Variants in DNAH11 observed in about 807,000 individuals in gnomAD.
The protein encoded by DNAH11 is axonemal beta dynein heavy chain 11.
Under a neutral mutation model 526.0 loss-of-function variants are expected in DNAH11, and 442 were observed. The ratio of observed to expected loss-of-function variants is 0.84; its 90% confidence interval spans 0.78 to 0.91. The LOEUF (loss-of-function observed/expected upper bound fraction) is 0.91, where lower values mean the gene tolerates loss of function less well. Among genes scored for constraint, DNAH11 ranks in the 40% least tolerant of loss-of-function variants. The pLI is 0.00. For synonymous variants in DNAH11, 2,461 were observed against 1,935.9 expected (o/e 1.27, Z -7.12); for missense variants, 6,989 against 5,448.7 (o/e 1.28, Z -8.90).
At chr7:21,875,594 G>A (rs771684193) in intron 74 of DNAH11, among the ~76,000 whole-genome samples, 3 of 152,124 alleles carry the variant, frequency 2.0e-5, no homozygotes, top group Non-Finnish European at 4.4e-5. Flanking sequence ...CCAGGAGTTC[G>A]AGGCTGCAGT....
intron 2 of DNAH11, among the ~76,000 whole-genome samples, chr7:21,555,311 C>T (rs1018103522): frequency 3.3e-5 from 5 of 152,166 alleles, no homozygotes; most frequent in African/African-American, 1.2e-4. Flanking sequence ...GTCCCTGATT[C>T]AAGGGTTGTC....
At chr7:21,651,157 G>T (rs571887764) in intron 28 of DNAH11, among the ~76,000 whole-genome samples, 44 of 152,098 alleles carry the variant, frequency 2.9e-4, no homozygotes, top group African/African-American at 1.1e-3. Flanking sequence ...ATTAGTTAAT[G>T]AAAACATATG....
At chr7:21,585,040 T>C (rs1703219143) in intron 9 of DNAH11, among the ~76,000 whole-genome samples, 1 of 152,108 alleles carries the variant, frequency 6.6e-6, no homozygotes, top group African/African-American at 2.4e-5. Context: ...ATGAATTCTG[T>C]TATAGTACCT....
chr7:21,591,973 A>G (rs1169954237), intron 14 of DNAH11, among the ~76,000 whole-genome samples: 2 of 152,200 alleles, frequency 1.3e-5, no homozygotes, highest in Non-Finnish European at 2.9e-5. Flanking sequence ...GGGTGGCAAC[A>G]ATAATTACTC....
chr7:21,769,097 C>G (rs1340997697), intron 55 of DNAH11, among the ~76,000 whole-genome samples: 1 of 152,186 alleles, frequency 6.6e-6, no homozygotes, highest in Non-Finnish European at 1.5e-5. Context: ...AAATAATCCT[C>G]TTTCTAAGGA....
chr7:21,831,004 A>G (rs1408183626), intron 65 of DNAH11, among the ~76,000 whole-genome samples: 2 of 152,208 alleles, frequency 1.3e-5, no homozygotes, highest in Non-Finnish European at 2.9e-5. Context: ...TAAAAATCCT[A>G]TGGGAGCAGC....
intron 57 of DNAH11, among the ~76,000 whole-genome samples, chr7:21,780,318 G>A (rs948636533): frequency 6.6e-6 from 1 of 152,152 alleles, no homozygotes; most frequent in Admixed American, 6.5e-5. Flanking sequence ...GCAGAGGCAG[G>A]AGGATAGCTT....
chr7:21,875,060 G>A (rs1783653148), intron 74 of DNAH11, among the ~76,000 whole-genome samples: 1 of 152,166 alleles, frequency 6.6e-6, no homozygotes, highest in Admixed American at 6.5e-5. Flanking sequence ...ATACAGTGTT[G>A]AAGAATGCAG....
At chr7:21,877,733 G>A (rs977329005) in intron 74 of DNAH11, among the ~76,000 whole-genome samples, 3 of 152,046 alleles carry the variant, frequency 2.0e-5, no homozygotes, top group Non-Finnish European at 4.4e-5. Flanking sequence ...AAATTAGCCA[G>A]GCGTGGTGGT....
At chr7:21,650,971 A>G (rs928582189) in intron 28 of DNAH11, among the ~76,000 whole-genome samples, 3 of 150,784 alleles carry the variant, frequency 2.0e-5, no homozygotes, top group Non-Finnish European at 3.0e-5. Context: ...AAAAAAAAAC[A>G]CATGCAACTA....
intron 76 of DNAH11, among the ~76,000 whole-genome samples, chr7:21,892,123 G>A (rs1196563203): frequency 1.3e-5 from 2 of 152,080 alleles, no homozygotes; most frequent in African/African-American, 2.4e-5. Context: ...TGTGTTATAG[G>A]GTAGCCCAGG....
At chr7:21,846,997 C>A (rs1179761449) in intron 66 of DNAH11, among the ~76,000 whole-genome samples, 5 of 152,060 alleles carry the variant, frequency 3.3e-5, no homozygotes, top group African/African-American at 1.2e-4. Flanking sequence ...TTATAAGATT[C>A]TTTTATTATC....
chr7:21,822,241 G>A (rs1485199652), intron 65 of DNAH11, among the ~76,000 whole-genome samples: 1 of 152,070 alleles, frequency 6.6e-6, no homozygotes, highest in Non-Finnish European at 1.5e-5. Flanking sequence ...TCTGCTTCTG[G>A]TGAAGCCTCA....
Position 21,564,290 on chromosome 7 carries a change from C to A in DNAH11, c.1087C>A (p.Pro363Thr), listed in dbSNP as rs1783578820. The change falls in exon 6 of 82, where the codon CCA becomes ACA. Residue 363 changes from proline to threonine, a missense_variant. Physicochemically the swap from Pro to Thr is conservative, Grantham distance 38. Transcript: ENST00000409508. ...CCCACAGACACGCATATTAATCGCT[C>A]CATTATTTCATACCATCTGTCTGAT... ...EFPQTRILIA[P>T]LFHTICLIWS... 6.2e-7 allele frequency: 1 copy of A among 1,613,694 alleles called. No individual in the cohort carries two copies. The highest frequency in any genetic ancestry group is 8.5e-7 in the Non-Finnish European group (1 of 1,179,746).
intron 65 of DNAH11, among the ~76,000 whole-genome samples, chr7:21,841,238 A>C (rs1297528238): frequency 6.6e-6 from 1 of 152,200 alleles, no homozygotes; most frequent in Admixed American, 6.5e-5. Context: ...ATAAAAATAA[A>C]ATATTTTAAT....
chr7:21,756,840 C>T (rs1183396897), intron 54 of DNAH11, among the ~76,000 whole-genome samples: 1 of 152,166 alleles, frequency 6.6e-6, no homozygotes, highest in Non-Finnish European at 1.5e-5. Context: ...GAATTAGCAT[C>T]TTTATAATAA....
chr7:21,807,978 G>A lies in DNAH11; in HGVS notation c.10261G>A (p.Val3421Ile), dbSNP rs770172153. 9 of 1,603,168 alleles carry A rather than the reference G, an allele frequency of 5.6e-6. No homozygotes were observed. Among genetic ancestry groups the A allele is most frequent in the Admixed American group, 1.7e-5 (1 of 59,530 alleles). Reference sequence around the variant, plus strand: ...TCTCACGGCGGCATTTGTGTCTTACGTCGGACCCTTCACAAGGCAGTATCG... The same window carrying A: ...TCTCACGGCGGCATTTGTGTCTTACATCGGACCCTTCACAAGGCAGTATCG... Reference protein sequence around the residue: ...VLLTAAFVSYVGPFTRQYRQE... With the variant: ...VLLTAAFVSYIGPFTRQYRQE... The change falls in exon 63 of 82, where the codon GTC (valine) becomes ATC (isoleucine). Residue 3421 changes from valine to isoleucine, a missense_variant. Physicochemically the swap from Val to Ile is conservative, Grantham distance 29. Coordinates refer to ENST00000409508, the MANE Select transcript of DNAH11 (RefSeq NM_001277115.2).
intron 28 of DNAH11, among the ~76,000 whole-genome samples, chr7:21,643,669 C>T (rs1339201657): frequency 1.3e-5 from 2 of 152,278 alleles, no homozygotes; most frequent in East Asian, 3.9e-4. Context: ...TTTGAAACAA[C>T]TTGGGTGAGT....
At chr7:21,643,579 T>G (rs1057054973) in intron 28 of DNAH11, among the ~76,000 whole-genome samples, 1 of 152,214 alleles carries the variant, frequency 6.6e-6, no homozygotes, top group Non-Finnish European at 1.5e-5. Context: ...GCTAAGGAAC[T>G]GACTTTTTAT....
Sources: gnomAD v4.1 joint callset for allele counts (sites outside exome capture counted in the v4.1 genomes callset) on GRCh38, gnomAD v4.1.1 for gene constraint, MANE v1.5 for transcripts, NCBI Gene and HGNC (gene_info 2026-07-23, HGNC 2026-07-21) for gene names.